The following SLC35F3 variants were observed in gnomAD, a reference collection of about 807,000 sequenced individuals.
SLC35F3 encodes putative thiamine transporter SLC35F3.
Under a neutral mutation model 49.9 loss-of-function variants are expected in SLC35F3, and 25 were observed. The observed-to-expected ratio is 0.50, with a 90% CI of 0.37 to 0.70. The LOEUF is 0.70. SLC35F3 is among the 30% of genes least tolerant of loss of function. The probability of loss-of-function intolerance (pLI) is 0.00; values close to 1 mark genes in which losing one functional copy is unlikely to be tolerated. For missense variants in SLC35F3, 525 were observed against 639.8 expected (o/e 0.82, Z 1.94); for synonymous variants, 275 against 265.4 (o/e 1.04, Z -0.35).
At chr1:233,996,165 GTTAA>G (rs1371616464) in intron 2 of SLC35F3, among the ~76,000 whole-genome samples, 2 of 152,058 alleles carry the variant, frequency 1.3e-5, no homozygotes, top group African/African-American at 4.8e-5. Context: ...GGAAAAAACG[GTTAA>G]TTGTGTCTGT....
intron 2 of SLC35F3, among the ~76,000 whole-genome samples, chr1:233,988,115 T>C (rs1262639809): frequency 6.6e-6 from 1 of 152,312 alleles, no homozygotes; most frequent in Non-Finnish European, 1.5e-5. Context: ...ACAAGGTCTA[T>C]GTGGGAGCTC....
intron 2 of SLC35F3, among the ~76,000 whole-genome samples, chr1:234,098,889 G>A (rs1405691157): frequency 1.3e-5 from 2 of 151,656 alleles, no homozygotes. Flanking sequence ...GGTGTTATAG[G>A]GTGATGGTGG....
intron 2 of SLC35F3, among the ~76,000 whole-genome samples, chr1:234,058,916 T>G (rs1395340088): frequency 6.6e-6 from 1 of 152,214 alleles, no homozygotes; most frequent in Non-Finnish European, 1.5e-5. Context: ...TGTGTCTTTC[T>G]GGCAATTTGT....
At chr1:234,192,402 C>A (rs777898715) in intron 2 of SLC35F3, among the ~76,000 whole-genome samples, 35 of 152,186 alleles carry the variant, frequency 2.3e-4, no homozygotes, top group Non-Finnish European at 4.3e-4. Context: ...TCCAGCATCT[C>A]TTTATGATTA....
chr1:234,168,749 G>T (rs929762509), intron 2 of SLC35F3, among the ~76,000 whole-genome samples: 1 of 152,208 alleles, frequency 6.6e-6, no homozygotes, highest in Admixed American at 6.5e-5. Context: ...TAGAAAAGTG[G>T]CTTTGCGGTC....
rs564551555 is a variant in SLC35F3, at chr1:234,187,551, C to T, written c.284-43866C>T. ...GACCCTTTGAAGGAAGCGGATTACT[C>T]CCGCAGGACCCAGGAGACAGCCCAA... On this transcript the variant is annotated intron_variant, in intron 2 of 7. Transcript: ENST00000366618. Among the ~76,000 whole-genome samples the T allele has an allele frequency of 2.9e-4, 44 of 152,316 alleles. No individual in the cohort carries two copies. In the East Asian group the frequency reaches 7.5e-3, roughly 26 times the overall value.
At chr1:234,305,864 TTGTA>T (rs1415619320) in intron 3 of SLC35F3, among the ~76,000 whole-genome samples, 1 of 152,180 alleles carries the variant, frequency 6.6e-6, no homozygotes, top group African/African-American at 2.4e-5. Flanking sequence ...CATCTAATCT[TTGTA>T]TGTGACTCAA....
intron 2 of SLC35F3, among the ~76,000 whole-genome samples, chr1:234,147,982 G>A (rs1666022516): frequency 1.3e-5 from 2 of 152,216 alleles, no homozygotes; most frequent in South Asian, 4.1e-4. Flanking sequence ...ACAGTGGGAG[G>A]AGTCAGGTTC....
chr1:234,189,700 A>G (rs1452705210), intron 2 of SLC35F3, among the ~76,000 whole-genome samples: 1 of 152,162 alleles, frequency 6.6e-6, no homozygotes, highest in Non-Finnish European at 1.5e-5. Flanking sequence ...AGACATCCAA[A>G]TACAAGAAGC....
At chr1:234,103,902 C>T (rs1032564709) in intron 2 of SLC35F3, among the ~76,000 whole-genome samples, 6 of 152,296 alleles carry the variant, frequency 3.9e-5, no homozygotes, top group African/African-American at 7.2e-5. Context: ...AGTCATCCAC[C>T]GTGTTCTTTT....
At chr1:233,931,203 A>G (rs929691015) in intron 2 of SLC35F3, among the ~76,000 whole-genome samples, 2 of 152,342 alleles carry the variant, frequency 1.3e-5, no homozygotes, top group Admixed American at 6.5e-5. Context: ...AACCTGGGCA[A>G]TACCATTCAG....
intron 2 of SLC35F3, among the ~76,000 whole-genome samples, chr1:233,953,976 C>T (rs1297822979): frequency 1.3e-5 from 2 of 151,632 alleles, no homozygotes; most frequent in African/African-American, 2.4e-5. Context: ...AGTGATGGGC[C>T]GCATCTGAAC....
At chr1:234,117,307 A>G (rs1003166399) in intron 2 of SLC35F3, among the ~76,000 whole-genome samples, 1 of 152,054 alleles carries the variant, frequency 6.6e-6, no homozygotes, top group Admixed American at 6.6e-5. Context: ...ACAATATACA[A>G]GAGGCCAGGT....
chr1:234,226,113 T>G (rs867670707), intron 2 of SLC35F3, among the ~76,000 whole-genome samples: 41 of 152,332 alleles, frequency 2.7e-4, no homozygotes, highest in Middle Eastern at 6.8e-3. Context: ...ACAATTCAAA[T>G]TTGCTAAAAC....
At position 234,180,709 on chromosome 1, in the gene SLC35F3, G is replaced by A. The variant is rs142850255; in HGVS notation, c.284-50708G>A. ...TGAGAGTGGATTTGAATCCCATAAC[G>A]TTTAGAGGAACCTTGGAGTAAAGTG... On this transcript the variant is annotated intron_variant, in intron 2 of 7. Coordinates refer to ENST00000366618, the MANE Select transcript of SLC35F3 (RefSeq NM_173508.4). Among the ~76,000 whole-genome samples, 3 of 152,270 alleles carry A rather than the reference G, an allele frequency of 2.0e-5. No homozygotes were observed. In the East Asian group the frequency reaches 5.8e-4, roughly 29 times the overall value.
chr1:234,159,438 G>A (rs565629156), intron 2 of SLC35F3, among the ~76,000 whole-genome samples: 64 of 152,142 alleles, frequency 4.2e-4, no homozygotes, highest in African/African-American at 1.5e-3. Flanking sequence ...TCAGCTGGGC[G>A]TGGTGGCAGG....
At chr1:234,232,468 A>G (rs1667394269) in intron 3 of SLC35F3, among the ~76,000 whole-genome samples, 1 of 133,292 alleles carries the variant, frequency 7.5e-6, no homozygotes, top group Non-Finnish European at 1.5e-5. Flanking sequence ...GTTTCCCCAA[A>G]GTGGAGGCCT....
intron 2 of SLC35F3, among the ~76,000 whole-genome samples, chr1:233,994,427 A>G (rs769827816): frequency 3.6e-5 from 5 of 139,668 alleles, no homozygotes; most frequent in Non-Finnish European, 7.6e-5. Context: ...CCTAACTACA[A>G]CCCTATTCAG....
At chr1:234,126,567 T>C (rs1421860505) in intron 2 of SLC35F3, among the ~76,000 whole-genome samples, 1 of 152,110 alleles carries the variant, frequency 6.6e-6, no homozygotes, top group African/African-American at 2.4e-5. Flanking sequence ...CACAGGTCCA[T>C]GACCGCAGGC....
Sources: allele counts gnomAD v4.1 joint callset (sites outside exome capture counted in the v4.1 genomes callset), GRCh38; gene constraint gnomAD v4.1.1; transcripts MANE v1.5; gene names NCBI Gene and HGNC (gene_info 2026-07-23, HGNC 2026-07-21).